Variants in ACOXL observed in about 807,000 individuals in gnomAD.
The protein encoded by ACOXL is acyl-coenzyme A oxidase-like protein.
In ACOXL, 70 loss-of-function variants were observed where a neutral mutation model predicts 71.9. That is an observed-to-expected ratio of 0.97 (90% CI 0.80 to 1.19). ACOXL has a LOEUF of 1.19. ACOXL is among the 50% of genes most tolerant of loss of function. The probability of loss-of-function intolerance (pLI) is 0.00; values close to 1 mark genes in which losing one functional copy is unlikely to be tolerated. For missense variants in ACOXL, 703 were observed against 736.3 expected, an observed-to-expected ratio of 0.95 and a Z score of 0.52; for synonymous variants, 253 against 281.6, an observed-to-expected ratio of 0.90 and a Z score of 1.02.
At chr2:111,022,535 T>C (rs1218175827) in intron 14 of ACOXL, among the ~76,000 whole-genome samples, 1 of 152,032 alleles carries the variant, frequency 6.6e-6, no homozygotes, top group Non-Finnish European at 1.5e-5. Context: ...GGTCCCTTCC[T>C]GCCCCTGGCA....
intron 2 of ACOXL, among the ~76,000 whole-genome samples, chr2:110,769,752 T>A (rs1465160975): frequency 6.6e-6 from 1 of 152,190 alleles, no homozygotes; most frequent in Non-Finnish European, 1.5e-5. Flanking sequence ...CGAGAATCCC[T>A]TGAACCAGGA....
At chr2:111,039,409 G>GAA (rs79210866) in intron 15 of ACOXL, among the ~76,000 whole-genome samples, 28 of 142,904 alleles carry the variant, frequency 2.0e-4, no homozygotes, top group Non-Finnish European at 2.1e-4. Flanking sequence ...GAACCAAAAA[G>GAA]AAAAAAAAAA....
chr2:110,753,540 A>G (rs1679284283), intron 1 of ACOXL, among the ~76,000 whole-genome samples: 1 of 152,208 alleles, frequency 6.6e-6, no homozygotes, highest in Admixed American at 6.5e-5. Flanking sequence ...TATGTCATTT[A>G]TTGTGTATCA....
Position 111,093,047 on chromosome 2 carries a change from C to T in ACOXL, c.1542+81C>T, listed in dbSNP as rs561935042. On this transcript the variant is annotated intron_variant, in intron 17 of 17. Transcript: ENST00000439055. ...TTTCTTAGAAAACAGTCCTGCCAAT[C>T]TTCTATCAGTTTCCACTCATGGATT... 6.9e-5 allele frequency: 79 copies of T among 1,142,150 alleles called. No homozygotes were observed. In the Admixed American group the frequency reaches 1.7e-3, roughly 24 times the overall value. The allele number at this position is 1,142,150 out of a possible 1,614,324, so 70.8% of individuals were successfully genotyped here.
rs1045223028 is a variant in ACOXL, at chr2:111,118,270, CTT to C, written c.*456_*457del. The C allele has an allele frequency of 2.6e-4, 44 of 171,680 alleles. No homozygotes were observed. The highest frequency in any genetic ancestry group is 3.5e-4 in the East Asian group (2 of 5,756). The allele number at this position is 171,680 out of a possible 1,614,324, so 10.6% of individuals were successfully genotyped here. A position where few individuals can be genotyped will look rare whatever the true frequency, so the allele number is the denominator to read the frequency against. On this transcript the variant is annotated 3_prime_UTR_variant, in exon 18 of 18. Coordinates refer to ENST00000439055, the MANE Select transcript of ACOXL (RefSeq NM_001142807.4). ...TTAGACAAAAGAAAAAAGCTCCACT[CTT>C]TCCGCGAGCGGGAAAAAAGGTTTGG...
At chr2:110,856,735 G>A (rs577772656) in intron 10 of ACOXL, among the ~76,000 whole-genome samples, 292 of 152,332 alleles carry the variant, frequency 1.9e-3, no homozygotes, top group Non-Finnish European at 3.6e-3. Flanking sequence ...ATGTCTGGTT[G>A]GCAGTGGGGT....
At chr2:110,858,369 T>C (rs1347138963) in intron 10 of ACOXL, among the ~76,000 whole-genome samples, 1 of 152,048 alleles carries the variant, frequency 6.6e-6, no homozygotes, top group Non-Finnish European at 1.5e-5. Flanking sequence ...GACGTGGAGC[T>C]GAGTGGAAGT....
intron 9 of ACOXL, among the ~76,000 whole-genome samples, chr2:110,823,350 T>A (rs1688833677): frequency 6.6e-6 from 1 of 152,244 alleles, no homozygotes; most frequent in Non-Finnish European, 1.5e-5. Context: ...TACCACAGTT[T>A]GTCCATTCAT....
chr2:111,100,263 G>A (rs1040524850), intron 17 of ACOXL: 1 of 152,626 alleles, frequency 6.6e-6, no homozygotes, highest in African/African-American at 2.4e-5. Context: ...GTTGAATCAG[G>A]TTCTATTTCC....
chr2:110,918,358 A>G lies in ACOXL; in HGVS notation c.905+9453A>G, dbSNP rs565891246. Among the ~76,000 whole-genome samples, 2 of 152,288 alleles carry G rather than the reference A, an allele frequency of 1.3e-5. 1 individual carries two copies. The highest frequency in any genetic ancestry group is 4.1e-4 in the South Asian group (2 of 4,828). ...TGTTGGGAAAAGTGGCTAGCCATAT[A>G]CAGAAAACTGAAACTGGACCCCTTC... is the stretch of plus-strand genomic sequence containing the variant. On this transcript the variant is annotated intron_variant, in intron 11 of 17. Coordinates refer to ENST00000439055, the MANE Select transcript of ACOXL (RefSeq NM_001142807.4).
intron 14 of ACOXL, among the ~76,000 whole-genome samples, chr2:111,017,035 G>A (rs777870788): frequency 5.9e-5 from 9 of 152,186 alleles, no homozygotes. Flanking sequence ...CATGACTGAA[G>A]AGCATACAAT....
At chr2:110,971,133 C>T (rs2062166351) in intron 12 of ACOXL, among the ~76,000 whole-genome samples, 1 of 152,100 alleles carries the variant, frequency 6.6e-6, no homozygotes, top group South Asian at 2.1e-4. Flanking sequence ...GACAAACAAA[C>T]AATCCAATTA....
rs376972431 is a variant in ACOXL at position 110,818,888 on chromosome 2, G to A, written c.753+13493G>A. Among the ~76,000 whole-genome samples, 44 of 65,264 alleles carry A rather than the reference G, an allele frequency of 6.7e-4. 4 individuals carry two copies. The highest frequency in any genetic ancestry group is 1.4e-3 in the African/African-American group (43 of 30,096). 42.8% of individuals were successfully genotyped at this position (65,264 alleles called of 152,430 possible). ...GATCAGCCAAAGCTGACCTGGCTGCGATGCTGAAGCTAGAATTGGCCTGTT... is the reference window on the plus strand; with the variant it reads ...GATCAGCCAAAGCTGACCTGGCTGCAATGCTGAAGCTAGAATTGGCCTGTT... On this transcript the variant is annotated intron_variant, in intron 9 of 17. Transcript: ENST00000439055.
At chr2:110,866,697 G>A (rs888488577) in intron 10 of ACOXL, among the ~76,000 whole-genome samples, 39 of 152,068 alleles carry the variant, frequency 2.6e-4, no homozygotes, top group Non-Finnish European at 8.8e-5. Flanking sequence ...GAAGCTTGAG[G>A]CACCCCCAGG....
At chr2:110,899,164 C>T (rs892494088) in intron 10 of ACOXL, among the ~76,000 whole-genome samples, 16 of 152,114 alleles carry the variant, frequency 1.1e-4, no homozygotes, top group African/African-American at 3.6e-4. Context: ...CACCCTTTAC[C>T]TTTGAGACTG....
At chr2:110,868,714 G>A (rs909334228) in intron 10 of ACOXL, among the ~76,000 whole-genome samples, 1 of 151,958 alleles carries the variant, frequency 6.6e-6, no homozygotes, top group African/African-American at 2.4e-5. Context: ...TCAGCCTCCC[G>A]AGTAGCTGGT....
chr2:111,092,966 G>A lies in ACOXL; in HGVS notation c.1542G>A (p.Gln514=). ...TPMASTRIRN[Q]LLDLCDSVKD... ...TGGCCAGCACGAGGATCAGGAATCA[G>A]GTAAGGTCCCTGGGGTACAGAAAAA... Residue 514 remains glutamine, a splice_region_variant and synonymous_variant, in exon 17 of 18, where the codon CAG becomes CAA. Coordinates refer to ENST00000439055, the MANE Select transcript of ACOXL (RefSeq NM_001142807.4). The A allele has an allele frequency of 6.2e-7, 1 of 1,613,488 alleles. No individual in the cohort carries two copies. The highest frequency in any genetic ancestry group is 8.5e-7 in the Non-Finnish European group (1 of 1,179,552).
At position 110,786,896 on chromosome 2, in the gene ACOXL, C is replaced by T. The variant is rs1684025614; in HGVS notation, c.159+2081C>T. On this transcript the variant is annotated intron_variant, in intron 3 of 17. Transcript: ENST00000439055. Reference sequence around the variant, plus strand: ...TTGGGGAAATCTGAGCATTGGACATCTGATGATATTAGAGAATGATCATTA... The same window carrying T: ...TTGGGGAAATCTGAGCATTGGACATTTGATGATATTAGAGAATGATCATTA... Among the ~76,000 whole-genome samples, 3 of 152,262 alleles carry T rather than the reference C, an allele frequency of 2.0e-5. 1 individual carries two copies. In the South Asian group the frequency reaches 6.2e-4, roughly 32 times the overall value.
chr2:110,843,443 A>G (rs1273901770), intron 10 of ACOXL, among the ~76,000 whole-genome samples: 1 of 152,230 alleles, frequency 6.6e-6, no homozygotes, highest in African/African-American at 2.4e-5. Flanking sequence ...TGGGTCTCTC[A>G]GAACAAATAG....
Sources: gnomAD v4.1 joint callset for allele counts (sites outside exome capture counted in the v4.1 genomes callset) on GRCh38, gnomAD v4.1.1 for gene constraint, MANE v1.5 for transcripts, NCBI Gene and HGNC (gene_info 2026-07-23, HGNC 2026-07-21) for gene names.